The following PIK3CB variants were observed in gnomAD, a reference collection of about 807,000 sequenced individuals.
The protein encoded by PIK3CB is phosphatidylinositol 4,5-bisphosphate 3-kinase catalytic subunit beta isoform.
In PIK3CB, 39 loss-of-function variants were observed where a neutral mutation model predicts 136.8. The observed-to-expected ratio is 0.29, with a 90% confidence interval of 0.22 to 0.37. The LOEUF (loss-of-function observed/expected upper bound fraction) is 0.37. Ranked by LOEUF, PIK3CB falls within the 10% of genes least tolerant of loss-of-function variation. PIK3CB has a pLI of 1.00. For missense variants in PIK3CB, 868 were observed against 1,275.4 expected (o/e 0.68, Z 4.87); for synonymous variants, 428 against 436.6 (o/e 0.98, Z 0.25).
At chr3:138,696,725 C>A (rs1374580068) in intron 13 of PIK3CB, among the ~76,000 whole-genome samples, 1 of 152,072 alleles carries the variant, frequency 6.6e-6, no homozygotes, top group Non-Finnish European at 1.5e-5. Flanking sequence ...AAGCACCAAC[C>A]TCATCCCCAA....
At chr3:138,784,308 G>C (rs903086772) in intron 2 of PIK3CB, among the ~76,000 whole-genome samples, 9 of 152,112 alleles carry the variant, frequency 5.9e-5, no homozygotes, top group Admixed American at 2.6e-4. Context: ...CTTGAACCCG[G>C]GAAGCAGAGG....
At position 138,653,693 on chromosome 3, in the gene PIK3CB, C is replaced by G. The variant is rs555340405; in HGVS notation, c.*1696G>C. ...CTCCCATCCTCAGCTGAGTTATTTC[C>G]AAGGAACTGGACTGCTCCAGCATCT... On this transcript the variant is annotated 3_prime_UTR_variant, in exon 24 of 24. Coordinates refer to ENST00000674063, the MANE Select transcript of PIK3CB (RefSeq NM_006219.3). 16 of 184,042 alleles carry G rather than the reference C, an allele frequency of 8.7e-5. No individual in the cohort carries two copies. In the South Asian group the frequency reaches 2.4e-3, roughly 27 times the overall value. 11.4% of individuals were successfully genotyped at this position (184,042 alleles called of 1,614,324 possible). A position where few individuals can be genotyped will look rare whatever the true frequency, so the allele number is the denominator to read the frequency against.
intron 19 of PIK3CB, among the ~76,000 whole-genome samples, chr3:138,679,566 T>C (rs1425858893): frequency 6.6e-6 from 1 of 151,824 alleles, no homozygotes. Context: ...AATATTTCCA[T>C]TTTAAAAGTT....
intron 2 of PIK3CB, among the ~76,000 whole-genome samples, chr3:138,796,153 C>T (rs1166864428): frequency 1.3e-5 from 2 of 152,036 alleles, no homozygotes; most frequent in African/African-American, 2.4e-5. Flanking sequence ...GAGGCCAAGA[C>T]GGGCAGATCA....
chr3:138,779,113 T>G (rs1643018988), intron 2 of PIK3CB, among the ~76,000 whole-genome samples: 1 of 149,078 alleles, frequency 6.7e-6, no homozygotes, highest in Admixed American at 6.8e-5. Flanking sequence ...TGAGACGGAG[T>G]CTCGCTCTGT....
intron 2 of PIK3CB, among the ~76,000 whole-genome samples, chr3:138,765,288 G>T (rs145504718): frequency 1.7e-3 from 263 of 152,224 alleles, no homozygotes; most frequent in Non-Finnish European, 2.8e-3. Context: ...CTGCACTCCG[G>T]CCTGGATGAC....
intron 4 of PIK3CB, among the ~76,000 whole-genome samples, chr3:138,747,794 A>G (rs1041822870): frequency 2.6e-5 from 4 of 152,196 alleles, no homozygotes; most frequent in Admixed American, 2.0e-4. Context: ...AAGTTTCAAT[A>G]TACGTATTAA....
intron 22 of PIK3CB, 78 bp downstream of exon 22, chr3:138,657,612 A>C: frequency 8.0e-7 from 1 of 1,246,668 alleles, no homozygotes. Flanking sequence ...AATATATCTC[A>C]GCTAAGAAAT....
intron 15 of PIK3CB, 82 bp downstream of exon 15, chr3:138,690,918 C>T: frequency 9.1e-7 from 1 of 1,096,712 alleles, no homozygotes; most frequent in Non-Finnish European, 1.3e-6. Context: ...ACTAAAGCAG[C>T]TATTTTTCTA....
rs2108380759 is a variant in PIK3CB, at chr3:138,655,373, G to C, written c.*16C>G. ...GAAATGAAACCAACAAATACATTAG[G>C]AGCGAAGGCTGATCGTTAAGATCTG... On this transcript the variant is annotated 3_prime_UTR_variant, in exon 24 of 24. Coordinates refer to ENST00000674063, the MANE Select transcript of PIK3CB (RefSeq NM_006219.3). 2 of 1,613,218 alleles carry C rather than the reference G, an allele frequency of 1.2e-6. No individual in the cohort carries two copies. Among genetic ancestry groups the C allele is most frequent in the Non-Finnish European group, 1.7e-6 (2 of 1,179,448 alleles).
intron 2 of PIK3CB, among the ~76,000 whole-genome samples, chr3:138,781,180 T>A (rs1185434590): frequency 6.6e-6 from 1 of 151,814 alleles, no homozygotes; most frequent in African/African-American, 2.4e-5. Flanking sequence ...CAGCCCCAGC[T>A]ACTCAGGATG....
chr3:138,819,039 T>C (rs1933450155), intron 1 of PIK3CB, among the ~76,000 whole-genome samples: 1 of 152,160 alleles, frequency 6.6e-6, no homozygotes, highest in Non-Finnish European at 1.5e-5. Context: ...TGTGCACATA[T>C]TGTCTTGGTG....
intron 2 of PIK3CB, among the ~76,000 whole-genome samples, chr3:138,788,444 G>A (rs1170906462): frequency 6.6e-6 from 1 of 151,090 alleles, no homozygotes; most frequent in Admixed American, 6.6e-5. Flanking sequence ...ATCACCTGAG[G>A]TCAGGAGTTG....
At chr3:138,807,326 C>G (rs1291616652) in intron 1 of PIK3CB, among the ~76,000 whole-genome samples, 2 of 152,032 alleles carry the variant, frequency 1.3e-5, no homozygotes, top group Non-Finnish European at 2.9e-5. Context: ...CCCAGCTACT[C>G]AGGAGGCTGA....
chr3:138,792,481 C>T (rs1576416624), intron 2 of PIK3CB, among the ~76,000 whole-genome samples: 1 of 152,206 alleles, frequency 6.6e-6, no homozygotes, highest in East Asian at 1.9e-4. Context: ...TCAAGCAATC[C>T]TTCCACTTCA....
intron 3 of PIK3CB, among the ~76,000 whole-genome samples, chr3:138,758,126 A>AAAAC (rs1163433012): frequency 6.6e-6 from 1 of 152,242 alleles, no homozygotes; most frequent in African/African-American, 2.4e-5. Flanking sequence ...ATGAACTTTA[A>AAAAC]AAACACTATG....
chr3:138,815,761 C>G (rs1021137745), intron 1 of PIK3CB, among the ~76,000 whole-genome samples: 3 of 152,164 alleles, frequency 2.0e-5, no homozygotes, highest in African/African-American at 7.2e-5. Context: ...CATGCAAATA[C>G]TACACCATTT....
At position 138,691,140 on chromosome 3, in the gene PIK3CB, A is replaced by C; in HGVS notation, c.1896T>G (p.Asp632Glu). 1 of 1,611,954 alleles carries C rather than the reference A, an allele frequency of 6.2e-7. No homozygotes were observed. ...GTAAAAGATATTGAGAAAGTTCTTC[A>C]TCACTGAAAGAAACAAAAGACACAG... ...YAVGCLRQMSDEELSQYLLQL... is the reference protein window; with the variant it reads ...YAVGCLRQMSEEELSQYLLQL... The change falls in exon 15 of 24, where the codon GAT becomes GAG. Residue 632 changes from aspartate (D) to glutamate (E), a missense_variant. Coordinates refer to ENST00000674063, the MANE Select transcript of PIK3CB (RefSeq NM_006219.3).
chr3:138,693,963 ATATT>A (rs1251085527), intron 14 of PIK3CB, among the ~76,000 whole-genome samples: 1 of 35,288 alleles, frequency 2.8e-5, no homozygotes, highest in Non-Finnish European at 4.2e-5. Flanking sequence ...ATATATATAT[ATATT>A]ATATATATAT....
Sources: gnomAD v4.1 joint callset for allele counts (sites outside exome capture counted in the v4.1 genomes callset) on GRCh38, gnomAD v4.1.1 for gene constraint, MANE v1.5 for transcripts, NCBI Gene and HGNC (gene_info 2026-07-23, HGNC 2026-07-21) for gene names.